Variants in EXOC4 observed in about 807,000 individuals in gnomAD.
EXOC4 encodes SEC8-like 1.
In EXOC4, 71 loss-of-function variants were observed where a neutral mutation model predicts 107.2. The ratio of observed to expected loss-of-function variants is 0.66; its 90% confidence interval spans 0.55 to 0.81. The LOEUF (loss-of-function observed/expected upper bound fraction) is 0.81, where lower values mean the gene tolerates loss of function less well. EXOC4 is among the 30% of genes least tolerant of loss of function. The pLI, the probability that EXOC4 is intolerant of heterozygous loss-of-function variation, is 0.00. For missense variants in EXOC4, 1,108 were observed against 1,189.6 expected, an observed-to-expected ratio of 0.93 and a Z score of 1.01; for synonymous variants, 456 against 441.2, an observed-to-expected ratio of 1.03 and a Z score of -0.42.
chr7:133,701,180 T>TAA (rs1794648248), intron 10 of EXOC4, among the ~76,000 whole-genome samples: 2 of 152,206 alleles, frequency 1.3e-5, no homozygotes, highest in African/African-American at 4.8e-5. Context: ...TAATTAAAAG[T>TAA]AAAATGTCCT....
At chr7:133,740,959 T>C (rs554304558) in intron 10 of EXOC4, among the ~76,000 whole-genome samples, 3 of 152,180 alleles carry the variant, frequency 2.0e-5, no homozygotes, top group Non-Finnish European at 4.4e-5. Context: ...GAGACCCTAT[T>C]TGCCACTTTT....
chr7:133,264,344 A>G (rs1793665360), intron 1 of EXOC4, among the ~76,000 whole-genome samples: 1 of 152,172 alleles, frequency 6.6e-6, no homozygotes, highest in Non-Finnish European at 1.5e-5. Flanking sequence ...ATTGACTTTA[A>G]AGCAAAAATT....
intron 11 of EXOC4, among the ~76,000 whole-genome samples, chr7:133,835,332 G>A (rs185601286): frequency 2.0e-5 from 3 of 152,230 alleles, no homozygotes; most frequent in South Asian, 2.1e-4. Flanking sequence ...CAAGGTGGTC[G>A]GGGTGCAGCC....
intron 11 of EXOC4, among the ~76,000 whole-genome samples, chr7:133,830,635 A>G (rs2151236591): frequency 6.6e-6 from 1 of 152,336 alleles, no homozygotes; most frequent in East Asian, 1.9e-4. Flanking sequence ...TTTATTTCAG[A>G]GAAGTTATAG....
chr7:133,278,199 C>G (rs550483545), intron 2 of EXOC4, among the ~76,000 whole-genome samples: 1 of 152,154 alleles, frequency 6.6e-6, no homozygotes, highest in Non-Finnish European at 1.5e-5. Flanking sequence ...AAATAGATAA[C>G]GTTGAACAAC....
the EXOC4 span, among the ~76,000 whole-genome samples, chr7:134,075,042 C>G: frequency 3.3e-5 from 5 of 152,176 alleles, no homozygotes; most frequent in Admixed American, 6.5e-5. Flanking sequence ...CAAAAGAAAA[C>G]TCAGGAGTAT....
chr7:134,029,669 A>T (rs1357779832), intron 17 of EXOC4, among the ~76,000 whole-genome samples: 1 of 152,056 alleles, frequency 6.6e-6, no homozygotes, highest in Admixed American at 6.5e-5. Context: ...ACAGGCAGAC[A>T]CAATCACTCT....
intron 7 of EXOC4, among the ~76,000 whole-genome samples, chr7:133,474,384 C>T (rs369934958): frequency 1.1e-4 from 17 of 152,114 alleles, no homozygotes; most frequent in African/African-American, 2.9e-4. Flanking sequence ...GGCATGATCT[C>T]GGCTCACTGC....
chr7:133,457,052 A>G (rs1798479274), intron 7 of EXOC4, among the ~76,000 whole-genome samples: 1 of 152,216 alleles, frequency 6.6e-6, no homozygotes. Context: ...CCCTGCATTC[A>G]ATAAATGCTC....
chr7:133,484,138 A>G (rs1799220995), intron 9 of EXOC4: 4 of 1,609,356 alleles, frequency 2.5e-6, no homozygotes, highest in Non-Finnish European at 3.4e-6. Flanking sequence ...TCAATTTATC[A>G]TACAATTAGA....
chr7:133,686,299 GA>G (rs1220821130), intron 10 of EXOC4, among the ~76,000 whole-genome samples: 2 of 152,060 alleles, frequency 1.3e-5, no homozygotes, highest in Non-Finnish European at 2.9e-5. Context: ...AAAATGGATC[GA>G]AACATATTTT....
intron 10 of EXOC4, among the ~76,000 whole-genome samples, chr7:133,778,395 G>A (rs906721482): frequency 2.0e-5 from 3 of 152,158 alleles, no homozygotes; most frequent in Non-Finnish European, 2.9e-5. Context: ...TTCGAGACCA[G>A]CCTAGGCAAC....
intron 17 of EXOC4, among the ~76,000 whole-genome samples, chr7:134,025,402 C>T (rs1443745706): frequency 2.0e-5 from 3 of 152,202 alleles, no homozygotes; most frequent in African/African-American, 7.2e-5. Context: ...GTTATTGGAT[C>T]TACACATTTG....
chr7:133,265,314 T>C (rs1452083692), intron 1 of EXOC4, among the ~76,000 whole-genome samples: 5 of 152,066 alleles, frequency 3.3e-5, no homozygotes, highest in Non-Finnish European at 5.9e-5. Flanking sequence ...CTCTATCTAG[T>C]ACTCTTTCCA....
chr7:133,790,147 A>G (rs12707118), intron 10 of EXOC4, among the ~76,000 whole-genome samples: 24,146 of 152,234 alleles, frequency 0.16, 2,164 homozygotes, highest in South Asian at 0.26. Flanking sequence ...AGTATGCAAT[A>G]TGGTCAATGA....
chr7:133,935,679 G>A (rs796920756), intron 13 of EXOC4, among the ~76,000 whole-genome samples: 2 of 152,238 alleles, frequency 1.3e-5, no homozygotes, highest in African/African-American at 4.8e-5. Flanking sequence ...TTTTTACCAA[G>A]TAAAAACTGT....
intron 11 of EXOC4, among the ~76,000 whole-genome samples, chr7:133,886,510 G>A (rs1335127085): frequency 6.6e-6 from 1 of 151,168 alleles, no homozygotes; most frequent in East Asian, 1.9e-4. Flanking sequence ...CCACAGCAAT[G>A]TTTTTTTTTA....
At chr7:133,289,569 TACTGG>T (rs1260615960) in intron 3 of EXOC4, among the ~76,000 whole-genome samples, 1 of 152,228 alleles carries the variant, frequency 6.6e-6, no homozygotes, top group Non-Finnish European at 1.5e-5. Flanking sequence ...GGGAGACTAA[TACTGG>T]AAGCAACTTT....
At chr7:133,911,551 T>C (rs1799695968) in intron 12 of EXOC4, among the ~76,000 whole-genome samples, 2 of 152,214 alleles carry the variant, frequency 1.3e-5, no homozygotes, top group South Asian at 4.1e-4. Flanking sequence ...ATGGGATCGA[T>C]GCATATTAGA....
Sources: allele counts gnomAD v4.1 joint callset (sites outside exome capture counted in the v4.1 genomes callset), GRCh38; gene constraint gnomAD v4.1.1; transcripts MANE v1.5; gene names NCBI Gene and HGNC (gene_info 2026-07-23, HGNC 2026-07-21).